The following DNAH6 variants were observed in gnomAD, a reference collection of about 807,000 sequenced individuals.
The protein encoded by DNAH6 is dynein axonemal heavy chain 6.
In DNAH6, 340 loss-of-function variants were observed where a neutral mutation model predicts 491.4. The ratio of observed to expected loss-of-function variants is 0.69; its 90% CI spans 0.63 to 0.76. The LOEUF is 0.76. DNAH6 is among the 30% of genes least tolerant of loss of function. DNAH6 has a pLI of 0.00. For synonymous variants in DNAH6, 1,603 were observed against 1,686.1 expected, an observed-to-expected ratio of 0.95 and a Z score of 1.21; for missense variants, 4,443 against 4,972.2, an observed-to-expected ratio of 0.89 and a Z score of 3.20.
chr2:84,799,033 G>T (rs112031987), intron 70 of DNAH6, among the ~76,000 whole-genome samples: 1 of 150,096 alleles, frequency 6.7e-6, no homozygotes, highest in Non-Finnish European at 1.5e-5. Flanking sequence ...TGTCATTCAG[G>T]CTAGAGTGCA....
chr2:84,734,999 A>G (rs1388510432), intron 62 of DNAH6, among the ~76,000 whole-genome samples: 4 of 152,134 alleles, frequency 2.6e-5, no homozygotes, highest in African/African-American at 7.2e-5. Flanking sequence ...CTCATTGCCC[A>G]GGTAGTGAAC....
chr2:84,600,919 A>G (rs1685145146), intron 18 of DNAH6, among the ~76,000 whole-genome samples: 1 of 149,110 alleles, frequency 6.7e-6, no homozygotes, highest in Admixed American at 6.7e-5. Flanking sequence ...TTGTATCCAG[A>G]TTTTCATTTT....
intron 14 of DNAH6, among the ~76,000 whole-genome samples, chr2:84,582,793 T>G (rs1683162436): frequency 6.6e-6 from 1 of 152,202 alleles, no homozygotes; most frequent in South Asian, 2.1e-4. Flanking sequence ...GTCATTGCAA[T>G]GGAAGCTAAA....
chr2:84,598,173 T>C (rs1344261281), intron 18 of DNAH6, among the ~76,000 whole-genome samples: 47 of 76,984 alleles, frequency 6.1e-4, no homozygotes, highest in South Asian at 1.6e-3. Context: ...CTTTCTTTCT[T>C]TCTTTCTCTC....
At chr2:84,573,694 A>G (rs1309737238) in intron 12 of DNAH6, 107 bp downstream of exon 12, 1 of 966,132 alleles carries the variant, frequency 1.0e-6, no homozygotes, top group Non-Finnish European at 1.5e-6. Flanking sequence ...GGTAGCCCAA[A>G]AGAGTTGGCC....
chr2:84,498,858 A>T, the DNAH6 span, among the ~76,000 whole-genome samples: 1 of 151,958 alleles, frequency 6.6e-6, no homozygotes. Context: ...CTTATCTTTC[A>T]TCTTCCCAAT....
intron 39 of DNAH6, among the ~76,000 whole-genome samples, chr2:84,671,666 G>C (rs1484802589): frequency 6.6e-6 from 1 of 152,132 alleles, no homozygotes; most frequent in East Asian, 1.9e-4. Flanking sequence ...CTGCTGCTTG[G>C]CTTCCAGGGG....
At chr2:84,490,482 T>C in the DNAH6 span, among the ~76,000 whole-genome samples, 1 of 152,074 alleles carries the variant, frequency 6.6e-6, no homozygotes, top group South Asian at 2.1e-4. Context: ...TCCTCTTACC[T>C]CCAACCATTG....
intron 64 of DNAH6, among the ~76,000 whole-genome samples, chr2:84,770,013 C>G (rs1036399882): frequency 3.9e-5 from 6 of 152,048 alleles, no homozygotes; most frequent in Non-Finnish European, 5.9e-5. Context: ...TGTAAACTGC[C>G]CAGCTGAGTG....
intron 64 of DNAH6, among the ~76,000 whole-genome samples, chr2:84,776,697 T>C (rs1573776250): frequency 6.6e-6 from 1 of 152,162 alleles, no homozygotes; most frequent in South Asian, 2.1e-4. Context: ...ACCTGTTGTT[T>C]CCTGACTTTT....
chr2:84,714,913 C>T lies in DNAH6; in HGVS notation c.9544-647C>T, dbSNP rs1023603907. ...ACCATATTACAAAATCCTTGAAGTA[C>T]GATGCCATATGTTCATTCACACACT... is the stretch of plus-strand genomic sequence containing the variant. On this transcript the variant is annotated intron_variant, in intron 57 of 76. Transcript: ENST00000389394. Among the ~76,000 whole-genome samples the T allele has an allele frequency of 4.6e-5, 7 of 151,208 alleles. No homozygotes were observed. In the East Asian group the frequency reaches 6.0e-4, roughly 13 times the overall value.
At chr2:84,620,113 A>ATGTG (rs1687253908) in intron 24 of DNAH6, among the ~76,000 whole-genome samples, 2 of 152,230 alleles carry the variant, frequency 1.3e-5, no homozygotes, top group South Asian at 4.1e-4. Flanking sequence ...CAACAAAAAC[A>ATGTG]TGTGTTCTGT....
intron 37 of DNAH6, among the ~76,000 whole-genome samples, chr2:84,661,590 A>G (rs1001494951): frequency 6.6e-6 from 1 of 152,190 alleles, no homozygotes; most frequent in Admixed American, 6.5e-5. Context: ...AAAGTAATGA[A>G]TGATGTGAAA....
In DNAH6 at chr2:84,715,715, C is replaced by A. The variant is rs1176563381; in HGVS notation, c.9611+88C>A. 1.1e-5 allele frequency: 15 copies of A among 1,315,256 alleles called. No homozygotes were observed. In the East Asian group the frequency reaches 3.3e-4, roughly 29 times the overall value. The allele number at this position is 1,315,256 out of a possible 1,614,324, so 81.5% of individuals were successfully genotyped here. On this transcript the variant is annotated intron_variant, in intron 58 of 76. Transcript: ENST00000389394. The stretch of plus-strand genomic sequence containing the variant: ...TAGAAATATTGACAAAGACAATGTT[C>A]TGCTGTGTAAGAGCACTACACATGA...
intron 38 of DNAH6, among the ~76,000 whole-genome samples, chr2:84,669,940 G>T (rs1336624397): frequency 6.6e-6 from 1 of 152,184 alleles, no homozygotes; most frequent in East Asian, 1.9e-4. Flanking sequence ...TGTTAAAGTA[G>T]AATGGAGGGA....
At chr2:84,650,553 A>G (rs1377324474) in intron 33 of DNAH6, among the ~76,000 whole-genome samples, 4 of 150,664 alleles carry the variant, frequency 2.7e-5, no homozygotes, top group Non-Finnish European at 5.9e-5. Context: ...TATTGTGTTC[A>G]TAATGGGTCC....
chr2:84,596,667 C>T (rs1312936199), intron 18 of DNAH6, among the ~76,000 whole-genome samples: 2 of 47,542 alleles, frequency 4.2e-5, no homozygotes, highest in Non-Finnish European at 1.1e-4. Flanking sequence ...AAATAAAGAA[C>T]TAAAAAAAAA....
rs558146286 is a variant in DNAH6, at chr2:84,650,112, A to G, written c.5079-3207A>G. On this transcript the variant is annotated intron_variant, in intron 33 of 76. Transcript: ENST00000389394. ...ATTTTTAGAAGTTGGACTATGTTGTATCTTCATATGGATTTCTTCGGGTTT... is the reference window on the plus strand; with the variant it reads ...ATTTTTAGAAGTTGGACTATGTTGTGTCTTCATATGGATTTCTTCGGGTTT... 3.3e-5 allele frequency among the ~76,000 whole-genome samples: 5 copies of G among 150,950 alleles called. No individual in the cohort carries two copies. In the South Asian group the frequency reaches 1.0e-3, roughly 32 times the overall value.
chr2:84,479,660 G>A, the DNAH6 span, among the ~76,000 whole-genome samples: 9 of 152,328 alleles, frequency 5.9e-5, no homozygotes, highest in African/African-American at 2.2e-4. Flanking sequence ...GTAGTGGGAA[G>A]GGAACCATAA....
Sources: gnomAD v4.1 joint callset for allele counts (sites outside exome capture counted in the v4.1 genomes callset) on GRCh38, gnomAD v4.1.1 for gene constraint, MANE v1.5 for transcripts, NCBI Gene and HGNC (gene_info 2026-07-23, HGNC 2026-07-21) for gene names.